Variants in C8orf34 observed in about 807,000 individuals in gnomAD.
C8orf34 encodes the protein uncharacterized protein C8orf34.
A neutral mutation model predicts 68.3 loss-of-function variants in C8orf34; 65 were observed. The ratio of observed to expected loss-of-function variants is 0.95; its 90% CI spans 0.78 to 1.17. C8orf34 has a LOEUF of 1.17. Ranked by LOEUF, C8orf34 falls within the 50% of genes most tolerant of loss-of-function variation. The pLI is 0.00. For missense variants in C8orf34, 664 were observed against 655.4 expected (o/e 1.01, Z -0.14); for synonymous variants, 244 against 241.2 (o/e 1.01, Z -0.11).
chr8:68,794,505 A>ATATATATAT (rs1313909362), intron 12 of C8orf34, among the ~76,000 whole-genome samples: 1 of 62,252 alleles, frequency 1.6e-5, no homozygotes, highest in African/African-American at 1.2e-4. Context: ...ATATATATAT[A>ATATATATAT]TTTTTTTTTT....
At chr8:68,453,821 A>T (rs1040840169) in intron 3 of C8orf34, among the ~76,000 whole-genome samples, 1 of 152,028 alleles carries the variant, frequency 6.6e-6, no homozygotes, top group Non-Finnish European at 1.5e-5. Context: ...AACAGAAGTG[A>T]TGAAAGCAGG....
At chr8:68,451,896 T>A (rs906150421) in intron 3 of C8orf34, among the ~76,000 whole-genome samples, 2 of 151,942 alleles carry the variant, frequency 1.3e-5, no homozygotes, top group Non-Finnish European at 2.9e-5. Flanking sequence ...AACAAAAAAA[T>A]TATCTGCAAA....
In C8orf34 at chr8:68,468,745, C is replaced by T. The variant is rs759948704; in HGVS notation, c.661C>T (p.Arg221Cys). 2.2e-5 allele frequency: 35 copies of T among 1,612,398 alleles called. No individual in the cohort carries two copies. The highest frequency in any genetic ancestry group is 1.6e-4 in the Middle Eastern group (1 of 6,072). ...GAACTGGAGGACTAAACCACAAAGCCGTGATTTTGATGAATTGAATCACAT... is the reference window on the plus strand; with the variant it reads ...GAACTGGAGGACTAAACCACAAAGCTGTGATTTTGATGAATTGAATCACAT... ...KWNWRTKPQS[R>C]DFDELNHILQ... The change falls in exon 4 of 14, where the codon CGT (arginine) becomes TGT (cysteine). Residue 221 changes from arginine to cysteine, a missense_variant. Arg to Cys is a radical substitution (Grantham distance 180). Transcript: ENST00000518698.
At chr8:68,808,837 G>A (rs1004928822) in intron 12 of C8orf34, among the ~76,000 whole-genome samples, 1 of 152,062 alleles carries the variant, frequency 6.6e-6, no homozygotes, top group Admixed American at 6.6e-5. Flanking sequence ...TCAGTCTTTT[G>A]CTTATTATTA....
chr8:68,584,747 T>C (rs909526853), intron 7 of C8orf34, among the ~76,000 whole-genome samples: 1 of 152,186 alleles, frequency 6.6e-6, no homozygotes, highest in Non-Finnish European at 1.5e-5. Flanking sequence ...GTCTTGGTTT[T>C]CTTTATTTTC....
At chr8:68,399,361 G>A (rs1039618316) in intron 1 of C8orf34, among the ~76,000 whole-genome samples, 5 of 151,870 alleles carry the variant, frequency 3.3e-5, no homozygotes, top group African/African-American at 1.2e-4. Flanking sequence ...CACACTTTAT[G>A]TCCATGTGTA....
At chr8:68,386,611 T>C (rs1239190749) in intron 1 of C8orf34, among the ~76,000 whole-genome samples, 1 of 152,202 alleles carries the variant, frequency 6.6e-6, no homozygotes, top group Non-Finnish European at 1.5e-5. Context: ...AAGCTGTCCT[T>C]GGGTAACTGC....
At chr8:68,501,547 C>T (rs372880581) in intron 5 of C8orf34, among the ~76,000 whole-genome samples, 11 of 152,270 alleles carry the variant, frequency 7.2e-5, no homozygotes, top group African/African-American at 2.4e-4. Flanking sequence ...CAGCACTATG[C>T]CTTTGCCTGT....
At chr8:68,804,236 T>G (rs944614522) in intron 12 of C8orf34, among the ~76,000 whole-genome samples, 1 of 152,164 alleles carries the variant, frequency 6.6e-6, no homozygotes, top group African/African-American at 2.4e-5. Context: ...TGCAATTGTT[T>G]TATAATGCTC....
At chr8:68,469,760 T>C (rs1812299929) in intron 4 of C8orf34, among the ~76,000 whole-genome samples, 1 of 152,026 alleles carries the variant, frequency 6.6e-6, no homozygotes, top group African/African-American at 2.4e-5. Flanking sequence ...CACTAGCAAA[T>C]TCTAGTGGAT....
intron 1 of C8orf34, among the ~76,000 whole-genome samples, chr8:68,399,781 G>A (rs1423106398): frequency 6.6e-6 from 1 of 152,114 alleles, no homozygotes; most frequent in East Asian, 1.9e-4. Context: ...CACCAACAGT[G>A]TGTAAGCGTT....
intron 7 of C8orf34, among the ~76,000 whole-genome samples, chr8:68,575,435 G>A (rs943212010): frequency 3.3e-5 from 5 of 151,958 alleles, no homozygotes; most frequent in African/African-American, 4.8e-5. Context: ...ACTTCCTGAC[G>A]TATTTGTGTT....
Position 68,812,011 on chromosome 8 carries a change from G to A in C8orf34, c.1550-3875G>A, listed in dbSNP as rs79005387. 7.4e-3 allele frequency among the ~76,000 whole-genome samples: 1,125 copies of A among 152,264 alleles called. 16 individuals are homozygous for A. The highest frequency in any genetic ancestry group is 0.025 in the African/African-American group (1,059 of 41,532). On this transcript the variant is annotated intron_variant, in intron 12 of 13. Coordinates refer to ENST00000518698, the MANE Select transcript of C8orf34 (RefSeq NM_052958.4). ...GTAAAGATAACATCAAGAGAGGAAT[G>A]ATCTCACTCTGCACTGAAAGAGTTT...
intron 7 of C8orf34, chr8:68,535,709 T>G (rs1815437852): frequency 2.3e-6 from 2 of 880,308 alleles, no homozygotes; most frequent in African/African-American, 3.6e-5. Context: ...CACCTGTAAT[T>G]TTTAAGTAGA....
chr8:68,685,215 A>G (rs1490691647), intron 8 of C8orf34, among the ~76,000 whole-genome samples: 1 of 152,128 alleles, frequency 6.6e-6, no homozygotes, highest in Admixed American at 6.6e-5. Flanking sequence ...TGATAACTAG[A>G]GCTCCTCTTC....
chr8:68,787,730 G>T, intron 12 of C8orf34, 194 bp downstream of exon 12: 1 of 384,880 alleles, frequency 2.6e-6, no homozygotes, highest in Non-Finnish European at 4.8e-6. Flanking sequence ...TTATGGTACA[G>T]AGACTCATAG....
intron 5 of C8orf34, among the ~76,000 whole-genome samples, chr8:68,516,852 G>T (rs1030412202): frequency 2.6e-5 from 4 of 152,106 alleles, no homozygotes; most frequent in African/African-American, 9.6e-5. Context: ...ATGTTGGTCA[G>T]GCTGGTCTCG....
intron 7 of C8orf34, among the ~76,000 whole-genome samples, chr8:68,590,595 T>A (rs914118859): frequency 6.6e-6 from 1 of 152,196 alleles, no homozygotes; most frequent in African/African-American, 2.4e-5. Context: ...AACTGCAAGA[T>A]ATTAAAATCA....
upstream of C8orf34, chr8:68,330,757 A>C: frequency 7.8e-6 from 3 of 383,984 alleles, no homozygotes; most frequent in Non-Finnish European, 1.4e-5. Flanking sequence ...TTGTTCCGTC[A>C]CCGGGGAAAG....
Sources: allele counts gnomAD v4.1 joint callset (sites outside exome capture counted in the v4.1 genomes callset), GRCh38; gene constraint gnomAD v4.1.1; transcripts MANE v1.5; gene names NCBI Gene and HGNC (gene_info 2026-07-23, HGNC 2026-07-21).